The following CTNNAL1 variants were observed in gnomAD, a reference collection of about 807,000 sequenced individuals.
The protein encoded by CTNNAL1 is catenin alpha like 1, also known as alpha-catulin.
Under a neutral mutation model 93.6 loss-of-function variants are expected in CTNNAL1, and 69 were observed. The ratio of observed to expected loss-of-function variants is 0.74; its 90% CI spans 0.61 to 0.90. The LOEUF (loss-of-function observed/expected upper bound fraction) is 0.90. Ranked by LOEUF, CTNNAL1 falls within the 40% of genes least tolerant of loss-of-function variation. The probability of loss-of-function intolerance (pLI) is 0.00; values close to 1 mark genes in which losing one functional copy is unlikely to be tolerated. For synonymous variants in CTNNAL1, 286 were observed against 305.4 expected, an observed-to-expected ratio of 0.94 and a Z score of 0.66; for missense variants, 836 against 862.0, an observed-to-expected ratio of 0.97 and a Z score of 0.38.
Position 108,992,577 on chromosome 9 carries a change from G to A in CTNNAL1, c.519+55C>T, listed in dbSNP as rs946792263. 1.8e-5 allele frequency: 27 copies of A among 1,526,606 alleles called. No homozygotes were observed. In the African/African-American group the frequency reaches 3.3e-4, roughly 19 times the overall value. 94.6% of individuals were successfully genotyped at this position (1,526,606 alleles called of 1,614,324 possible). ...AATCCACCACTAAGAGTCATAAAAA[G>A]CACTTTGAACAACACAGAAAGACAA... On this transcript the variant is annotated intron_variant, in intron 3 of 18. Coordinates refer to ENST00000325551, the MANE Select transcript of CTNNAL1 (RefSeq NM_003798.4).
At chr9:108,974,592 C>T (rs781166076) in intron 8 of CTNNAL1, among the ~76,000 whole-genome samples, 25 of 152,256 alleles carry the variant, frequency 1.6e-4, no homozygotes, top group East Asian at 5.8e-4. Flanking sequence ...CCAGCCCTTT[C>T]GGAGGCCAAG....
chr9:109,013,002 C>T (rs1827255421), intron 1 of CTNNAL1, among the ~76,000 whole-genome samples: 2 of 152,164 alleles, frequency 1.3e-5, no homozygotes, highest in South Asian at 2.1e-4. Flanking sequence ...CGGGGGCACC[C>T]GGGAGCCGCA....
At chr9:108,998,186 T>C (rs1832091557) in intron 2 of CTNNAL1, among the ~76,000 whole-genome samples, 1 of 152,142 alleles carries the variant, frequency 6.6e-6, no homozygotes, top group Non-Finnish European at 1.5e-5. Context: ...TCTAGAGCTA[T>C]TTCTGGTTGT....
At position 108,983,228 on chromosome 9, in the gene CTNNAL1, T is replaced by C. The variant is rs1455546906; in HGVS notation, c.817A>G (p.Ile273Val). 19 of 1,596,388 alleles carry C rather than the reference T, an allele frequency of 1.2e-5. No homozygotes were observed. Among genetic ancestry groups the C allele is most frequent in the Non-Finnish European group, 1.6e-5 (19 of 1,171,040 alleles). Reference protein sequence around the residue: ...DRMKVALDKVIEIVTDCKPNG... With the variant: ...DRMKVALDKVVEIVTDCKPNG... ...GGTTTACAGTCAGTCACAATTTCAA[T>C]GACCTTATCCAATGCCACTTTCATA... Residue 273 changes from isoleucine to valine, a missense_variant, in exon 6 of 19, where the codon ATT becomes GTT. Transcript: ENST00000325551.
chr9:108,983,430 G>A (rs1349610786), intron 5 of CTNNAL1, 115 bp from the exon 6 acceptor site: 1 of 1,187,482 alleles, frequency 8.4e-7, no homozygotes, highest in Non-Finnish European at 1.1e-6. Flanking sequence ...AATCTCCTGG[G>A]TCCCTGGCTC....
At chr9:108,980,804 G>A (rs1318112768) in intron 6 of CTNNAL1, among the ~76,000 whole-genome samples, 16 of 152,138 alleles carry the variant, frequency 1.1e-4, no homozygotes, top group Admixed American at 1.0e-3. Flanking sequence ...TACCATTTAT[G>A]TTAAGGTTTT....
intron 8 of CTNNAL1, 31 bp from the exon 9 acceptor site, chr9:108,972,864 G>GGGCCCCCCCCCCCCCC: frequency 7.0e-6 from 1 of 142,552 alleles, no homozygotes; most frequent in Non-Finnish European, 1.0e-5. Context: ...GGGGGGGTGG[G>GGGCCCCCCCCCCCCCC]AGGGTGGAGA....
chr9:109,000,891 G>A (rs1171909671), intron 1 of CTNNAL1, among the ~76,000 whole-genome samples: 5 of 151,862 alleles, frequency 3.3e-5, no homozygotes, highest in African/African-American at 9.7e-5. Context: ...GGCTGGGTGC[G>A]GTGGCTCATG....
chr9:108,952,308 G>T lies in CTNNAL1; in HGVS notation c.1736C>A (p.Ala579Asp). 6.2e-7 allele frequency: 1 copy of T among 1,614,188 alleles called. No individual in the cohort carries two copies. The highest frequency in any genetic ancestry group is 8.5e-7 in the Non-Finnish European group (1 of 1,180,040). ...TTCCCACTTCTCAATTTCGCAGTCAGCGTCAGAGGTGAGCAAACCCAGCTT... is the reference window on the plus strand; with the variant it reads ...TTCCCACTTCTCAATTTCGCAGTCATCGTCAGAGGTGAGCAAACCCAGCTT... ...GLKLGLLTSD[A>D]DCEIEKWEDQ... The change falls in exon 14 of 19, where the codon GCT (alanine) becomes GAT (aspartate). Residue 579 changes from alanine (A) to aspartate (D), a missense_variant. Ala to Asp is a moderately radical substitution (Grantham distance 126, BLOSUM62 -2). Coordinates refer to ENST00000325551, the MANE Select transcript of CTNNAL1 (RefSeq NM_003798.4).
At chr9:108,949,760 C>T (rs571209280) in intron 14 of CTNNAL1, among the ~76,000 whole-genome samples, 1 of 152,288 alleles carries the variant, frequency 6.6e-6, no homozygotes, top group East Asian at 1.9e-4. Context: ...AGGAGAATCA[C>T]CTGAACCCGG....
chr9:109,003,480 A>G (rs893176929), intron 1 of CTNNAL1, among the ~76,000 whole-genome samples: 3 of 152,224 alleles, frequency 2.0e-5, no homozygotes, highest in Non-Finnish European at 4.4e-5. Flanking sequence ...ATGAGCTACA[A>G]TTCATGTAAA....
chr9:109,012,532 C>T (rs1397162545), intron 1 of CTNNAL1, among the ~76,000 whole-genome samples: 1 of 152,160 alleles, frequency 6.6e-6, no homozygotes, highest in Non-Finnish European at 1.5e-5. Flanking sequence ...TGCATATAAC[C>T]CAGCTCAGAG....
At chr9:108,948,081 A>C in intron 15 of CTNNAL1, 105 bp downstream of exon 15, 1 of 1,273,716 alleles carries the variant, frequency 7.9e-7, no homozygotes, top group Non-Finnish European at 1.1e-6. Flanking sequence ...AGGTAGGTAC[A>C]GATGTAAGCA....
intron 4 of CTNNAL1, among the ~76,000 whole-genome samples, chr9:108,988,144 C>T (rs762979320): frequency 1.6e-4 from 25 of 152,282 alleles, no homozygotes; most frequent in Non-Finnish European, 2.6e-4. Flanking sequence ...AGCGCAGTGG[C>T]GTGATCTCAG....
intron 14 of CTNNAL1, among the ~76,000 whole-genome samples, chr9:108,949,120 AC>A (rs1317580877): frequency 2.6e-5 from 4 of 152,234 alleles, no homozygotes; most frequent in Admixed American, 1.3e-4. Context: ...TATTAAGACA[AC>A]CTTAAACAGT....
At chr9:108,992,112 A>G (rs780029488) in intron 3 of CTNNAL1, 15 of 753,832 alleles carry the variant, frequency 2.0e-5, no homozygotes, top group Non-Finnish European at 3.2e-5. Context: ...CAGTATTTTT[A>G]TCAACTAGGT....
At chr9:108,956,367 A>G (rs1830688299) in intron 11 of CTNNAL1, among the ~76,000 whole-genome samples, 1 of 152,252 alleles carries the variant, frequency 6.6e-6, no homozygotes. Flanking sequence ...GAAGCATGAT[A>G]ACGAGGAAAG....
chr9:108,972,864 G>GCC, intron 8 of CTNNAL1, 31 bp from the exon 9 acceptor site: 4 of 142,574 alleles, frequency 2.8e-5, no homozygotes, highest in Non-Finnish European at 3.0e-5. Flanking sequence ...GGGGGGGTGG[G>GCC]AGGGTGGAGA....
chr9:108,954,968 AT>A (rs11363061), intron 12 of CTNNAL1, among the ~76,000 whole-genome samples: 51,169 of 145,384 alleles, frequency 0.35, 8,819 homozygotes, highest in Admixed American at 0.44. Flanking sequence ...CAGTAATTTT[AT>A]TTTTTTTTTT....
Sources: allele counts gnomAD v4.1 joint callset (sites outside exome capture counted in the v4.1 genomes callset), GRCh38; gene constraint gnomAD v4.1.1; transcripts MANE v1.5; gene names NCBI Gene and HGNC (gene_info 2026-07-23, HGNC 2026-07-21).